The following FOCAD variants were observed in gnomAD, a reference collection of about 807,000 sequenced individuals.
FOCAD encodes focadhesin.
FOCAD carries 198 observed loss-of-function variants against 225.6 expected under a neutral mutation model. The observed-to-expected ratio is 0.88, with a 90% CI of 0.78 to 0.99. FOCAD has a LOEUF of 0.99. Among genes scored for constraint, FOCAD ranks in the 50% least tolerant of loss-of-function variants. The pLI is 0.00. For synonymous variants in FOCAD, 897 were observed against 755.0 expected (o/e 1.19, Z -3.08); for missense variants, 2,713 against 2,123.6 (o/e 1.28, Z -5.46).
intron 11 of FOCAD, among the ~76,000 whole-genome samples, chr9:20,815,921 C>T (rs1335225402): frequency 6.6e-6 from 1 of 151,914 alleles, no homozygotes; most frequent in Non-Finnish European, 1.5e-5. Context: ...AATTATTTTC[C>T]ACAGATGTCT....
At chr9:20,666,486 A>G (rs200813243) in intron 2 of FOCAD, among the ~76,000 whole-genome samples, 5 of 152,004 alleles carry the variant, frequency 3.3e-5, no homozygotes, top group African/African-American at 9.7e-5. Flanking sequence ...AGGAGGATCA[A>G]TTGAGCCCAG....
rs1587697611 is a variant in FOCAD at position 20,948,895 on chromosome 9, G to A, written c.3843G>A (p.Val1281=). Residue 1281 remains valine (V), a synonymous_variant, in exon 32 of 44, where the codon GTG becomes GTA. Coordinates refer to ENST00000338382, the MANE Select transcript of FOCAD (RefSeq NM_001375567.1). ...MLCLAALHGM[V]ALVGSEGDVM... ...GTCTGGCAGCTCTTCATGGCATGGT[G>A]GCCTTGGTAGGCTCTGAAGGGGATG... 4 of 1,613,534 alleles carry A rather than the reference G, an allele frequency of 2.5e-6. No individual in the cohort carries two copies. The highest frequency in any genetic ancestry group is 1.3e-5 in the African/African-American group (1 of 75,008).
At chr9:20,940,286 T>G (rs1413219190) in intron 28 of FOCAD, among the ~76,000 whole-genome samples, 1 of 147,774 alleles carries the variant, frequency 6.8e-6, no homozygotes, top group Non-Finnish European at 1.5e-5. Context: ...GTTCTCCCTT[T>G]TTTTTTTTTT....
At chr9:20,939,365 C>T (rs895695561) in intron 28 of FOCAD, among the ~76,000 whole-genome samples, 3 of 152,062 alleles carry the variant, frequency 2.0e-5, no homozygotes, top group African/African-American at 7.2e-5. Flanking sequence ...TGTCTCTTTC[C>T]ATCCCTCCTG....
intron 6 of FOCAD, among the ~76,000 whole-genome samples, chr9:20,759,000 G>C (rs1829321699): frequency 6.6e-6 from 1 of 152,046 alleles, no homozygotes; most frequent in Non-Finnish European, 1.5e-5. Flanking sequence ...CAAATCATGA[G>C]TGAACTCCCA....
intron 35 of FOCAD, among the ~76,000 whole-genome samples, chr9:20,970,777 CT>C (rs1243221309): frequency 6.6e-6 from 1 of 151,976 alleles, no homozygotes; most frequent in East Asian, 1.9e-4. Flanking sequence ...GAAAACTAGA[CT>C]TTTTTGAATG....
chr9:20,866,049 TC>T, intron 17 of FOCAD, 73 bp downstream of exon 17: 1 of 1,274,178 alleles, frequency 7.8e-7, no homozygotes, highest in Non-Finnish European at 1.1e-6. Flanking sequence ...AAAATAAGAC[TC>T]TTAGGATAAA....
chr9:20,782,822 A>T (rs1819512425), intron 10 of FOCAD, among the ~76,000 whole-genome samples: 1 of 152,230 alleles, frequency 6.6e-6, no homozygotes, highest in Admixed American at 6.5e-5. Flanking sequence ...AAATCCAGTC[A>T]TTATTAGTTC....
intron 15 of FOCAD, among the ~76,000 whole-genome samples, chr9:20,854,167 T>C (rs1355456359): frequency 6.6e-6 from 1 of 151,708 alleles, no homozygotes; most frequent in African/African-American, 2.4e-5. Flanking sequence ...AGTAGGCTGT[T>C]CTCAGGAATT....
At chr9:20,795,230 A>G (rs1030731818) in intron 11 of FOCAD, among the ~76,000 whole-genome samples, 1 of 152,208 alleles carries the variant, frequency 6.6e-6, no homozygotes, top group South Asian at 2.1e-4. Context: ...ATTAGTAACA[A>G]TCAGTCTTCT....
chr9:20,815,123 GTTTTTTTTTTTT>G lies in FOCAD; in HGVS notation c.1456-4671_1456-4660del, dbSNP rs71334554. On this transcript the variant is annotated intron_variant, in intron 11 of 43. Coordinates refer to ENST00000338382, the MANE Select transcript of FOCAD (RefSeq NM_001375567.1). ...TCTGGAAATATCATTACTTCTCTTT[GTTTTTTTTTTTT>G]TGTTTTTTTTTTTTTTTTTGAGACA... Among the ~76,000 whole-genome samples, 59 of 85,390 alleles carry G rather than the reference GTTTTTTTTTTTT, an allele frequency of 6.9e-4. 3 individuals carry two copies. Among genetic ancestry groups the G allele is most frequent in the African/African-American group, 2.1e-3 (45 of 21,482 alleles). 56.0% of individuals were successfully genotyped at this position (85,390 alleles called of 152,430 possible).
chr9:20,674,630 A>C (rs918828434), intron 2 of FOCAD, among the ~76,000 whole-genome samples: 6 of 152,254 alleles, frequency 3.9e-5, no homozygotes, highest in African/African-American at 4.8e-5. Context: ...ATGAAGTTGC[A>C]TCAAAAGATA....
At chr9:20,754,363 CTA>C (rs1261405547) in intron 5 of FOCAD, among the ~76,000 whole-genome samples, 2 of 152,060 alleles carry the variant, frequency 1.3e-5, no homozygotes, top group African/African-American at 4.8e-5. Flanking sequence ...GCCTTTTATT[CTA>C]TGTTTTCCAA....
chr9:20,789,094 C>G (rs942480384), intron 10 of FOCAD, among the ~76,000 whole-genome samples: 1 of 151,808 alleles, frequency 6.6e-6, no homozygotes, highest in Non-Finnish European at 1.5e-5. Context: ...TATATTCTGC[C>G]TTAATGGGGA....
intron 15 of FOCAD, among the ~76,000 whole-genome samples, chr9:20,849,883 A>G (rs953917829): frequency 1.3e-5 from 2 of 151,846 alleles, no homozygotes; most frequent in African/African-American, 4.8e-5. Flanking sequence ...TTCTTAGTTC[A>G]TTGCTCTCAG....
chr9:20,736,477 A>C (rs1423599034), intron 4 of FOCAD, among the ~76,000 whole-genome samples: 2 of 151,764 alleles, frequency 1.3e-5, no homozygotes, highest in Non-Finnish European at 2.9e-5. Flanking sequence ...TCAGATCCAG[A>C]ATAACAAAGA....
chr9:20,833,374 T>C (rs1825701085), intron 15 of FOCAD, among the ~76,000 whole-genome samples: 1 of 152,102 alleles, frequency 6.6e-6, no homozygotes, highest in South Asian at 2.1e-4. Flanking sequence ...TAAATAAAAG[T>C]TTGAAAACTT....
chr9:20,929,177 C>T, intron 26 of FOCAD, 181 bp from the exon 27 acceptor site: 3 of 546,438 alleles, frequency 5.5e-6, no homozygotes, highest in Non-Finnish European at 9.7e-6. Flanking sequence ...CAAAACATTT[C>T]ATTAATAATG....
At chr9:20,835,825 G>C (rs1218204150) in intron 15 of FOCAD, among the ~76,000 whole-genome samples, 1 of 152,006 alleles carries the variant, frequency 6.6e-6, no homozygotes, top group African/African-American at 2.4e-5. Flanking sequence ...ATGAAGAAAA[G>C]CTCTTTCATC....
Sources: gnomAD v4.1 joint callset for allele counts (sites outside exome capture counted in the v4.1 genomes callset) on GRCh38, gnomAD v4.1.1 for gene constraint, MANE v1.5 for transcripts, NCBI Gene and HGNC (gene_info 2026-07-23, HGNC 2026-07-21) for gene names.